CACNA1D: variants seen among roughly 807,000 people sequenced by gnomAD.
CACNA1D encodes the protein calcium voltage-gated channel subunit alpha1 D.
CACNA1D carries 55 observed loss-of-function variants against 257.1 expected under a neutral mutation model. That is an observed-to-expected ratio of 0.21 (90% CI 0.17 to 0.27). CACNA1D has a LOEUF of 0.27. Ranked by LOEUF, CACNA1D falls within the 10% of genes least tolerant of loss-of-function variation. CACNA1D has a pLI of 1.00. For missense variants in CACNA1D, 1,876 were observed against 2,784.0 expected (o/e 0.67, Z 7.34); for synonymous variants, 980 against 1,014.9 (o/e 0.97, Z 0.65).
intron 9 of CACNA1D, among the ~76,000 whole-genome samples, chr3:53,715,732 C>T (rs2094811665): frequency 6.6e-6 from 1 of 152,222 alleles, no homozygotes; most frequent in African/African-American, 2.4e-5. Context: ...GCCACTATCC[C>T]AACCCAGCTG....
chr3:53,722,408 T>C lies in CACNA1D; in HGVS notation c.1600T>C (p.Phe534Leu). ...TTACTGGCTGGTTATCGTCCTGGTG[T>C]TTCTGAACACCTTAACCATTTCCTC... ...TFYWLVIVLV[F>L]LNTLTISSEH... Residue 534 changes from phenylalanine (F) to leucine (L), a missense_variant, in exon 12 of 48, where the codon TTT becomes CTT. Physicochemically the swap from Phe to Leu is conservative, Grantham distance 22. Transcript: ENST00000350061. 2 of 1,614,204 alleles carry C rather than the reference T, an allele frequency of 1.2e-6. No individual in the cohort carries two copies. Among genetic ancestry groups the C allele is most frequent in the Non-Finnish European group, 1.7e-6 (2 of 1,180,030 alleles).
intron 3 of CACNA1D, among the ~76,000 whole-genome samples, chr3:53,519,210 A>G (rs1435857922): frequency 1.3e-5 from 2 of 152,186 alleles, no homozygotes; most frequent in Admixed American, 6.5e-5. Flanking sequence ...AACTGATGCA[A>G]TCGTAGAAGT....
chr3:53,711,493 C>T (rs1005616708), intron 9 of CACNA1D, among the ~76,000 whole-genome samples: 4 of 152,232 alleles, frequency 2.6e-5, no homozygotes, highest in African/African-American at 9.6e-5. Context: ...TCGACAGCAG[C>T]ACAAAGCTTT....
intron 3 of CACNA1D, among the ~76,000 whole-genome samples, chr3:53,616,479 G>A (rs901139584): frequency 6.6e-6 from 1 of 152,148 alleles, no homozygotes; most frequent in Non-Finnish European, 1.5e-5. Context: ...CTGTCTCTCT[G>A]CCATCCAAAC....
At chr3:53,599,835 C>T (rs924338920) in intron 3 of CACNA1D, among the ~76,000 whole-genome samples, 2 of 152,172 alleles carry the variant, frequency 1.3e-5, no homozygotes, top group East Asian at 3.9e-4. Context: ...CAAGGAAACC[C>T]ACCACCGTCT....
At chr3:53,776,751 T>A in intron 36 of CACNA1D, 21 bp downstream of exon 36, 1 of 1,614,180 alleles carries the variant, frequency 6.2e-7, no homozygotes, top group Non-Finnish European at 8.5e-7. Flanking sequence ...AAATATTTGA[T>A]TTGGCGTGTG....
intron 3 of CACNA1D, among the ~76,000 whole-genome samples, chr3:53,532,407 G>A (rs1240720280): frequency 6.6e-6 from 1 of 152,166 alleles, no homozygotes; most frequent in Non-Finnish European, 1.5e-5. Context: ...CACACCATAG[G>A]GCTGATGTTT....
intron 39 of CACNA1D, 133 bp downstream of exon 39, chr3:53,781,800 A>C (rs1204552931): frequency 2.7e-6 from 2 of 730,246 alleles, no homozygotes; most frequent in African/African-American, 3.4e-5. Flanking sequence ...ACTGATAAAG[A>C]AAGCCCTTTG....
chr3:53,704,435 G>C (rs2094663389), intron 9 of CACNA1D, among the ~76,000 whole-genome samples: 1 of 152,196 alleles, frequency 6.6e-6, no homozygotes, highest in Non-Finnish European at 1.5e-5. Context: ...AGGGTTTCTA[G>C]AGCTAACTGT....
intron 3 of CACNA1D, among the ~76,000 whole-genome samples, chr3:53,635,461 T>TG (rs1404787379): frequency 7.9e-5 from 12 of 152,102 alleles, no homozygotes; most frequent in Non-Finnish European, 1.5e-5. Flanking sequence ...CATCTGGATT[T>TG]GGGGGGGATC....
At chr3:53,696,815 C>T (rs1329174223) in intron 8 of CACNA1D, among the ~76,000 whole-genome samples, 3 of 152,094 alleles carry the variant, frequency 2.0e-5, no homozygotes, top group African/African-American at 7.2e-5. Flanking sequence ...GCTGGAATAG[C>T]ACTTGGGAGA....
At chr3:53,717,386 C>T (rs2094830842) in intron 9 of CACNA1D, among the ~76,000 whole-genome samples, 1 of 147,662 alleles carries the variant, frequency 6.8e-6, no homozygotes, top group Non-Finnish European at 1.5e-5. Flanking sequence ...CCCTGCCCTC[C>T]TCCACTGCCT....
At chr3:53,667,172 A>G (rs1299622642) in intron 7 of CACNA1D, among the ~76,000 whole-genome samples, 3 of 152,156 alleles carry the variant, frequency 2.0e-5, no homozygotes, top group African/African-American at 7.2e-5. Context: ...GTAGACTTCC[A>G]GGGCTGGTGG....
intron 8 of CACNA1D, among the ~76,000 whole-genome samples, chr3:53,675,507 C>G (rs923036621): frequency 5.9e-5 from 9 of 152,130 alleles, no homozygotes; most frequent in African/African-American, 2.2e-4. Context: ...CCGGTGACAT[C>G]CCTTATCTTT....
chr3:53,753,469 T>TGG, intron 28 of CACNA1D, 103 bp from the exon 29 acceptor site: 1 of 818,384 alleles, frequency 1.2e-6, no homozygotes, highest in Non-Finnish European at 2.2e-6. Context: ...TGCTGGGCTG[T>TGG]GGAGGATGCC....
At chr3:53,803,326 C>T (rs545442729) in intron 43 of CACNA1D, 97 bp from the exon 44 acceptor site, 2 of 1,389,586 alleles carry the variant, frequency 1.4e-6, no homozygotes, top group African/African-American at 2.8e-5. Flanking sequence ...AAGCCAGGAG[C>T]ACCCGGGCAG....
intron 3 of CACNA1D, among the ~76,000 whole-genome samples, chr3:53,522,140 A>G (rs895922294): frequency 6.6e-6 from 1 of 152,086 alleles, no homozygotes; most frequent in South Asian, 2.1e-4. Context: ...TGGGGGAAAA[A>G]AAACCACATT....
intron 26 of CACNA1D, among the ~76,000 whole-genome samples, chr3:53,748,104 G>A (rs1397481465): frequency 6.6e-6 from 1 of 152,252 alleles, no homozygotes; most frequent in Non-Finnish European, 1.5e-5. Flanking sequence ...TCCTAGATGT[G>A]CAGAACAGGG....
At chr3:53,535,823 T>G (rs888875645) in intron 3 of CACNA1D, among the ~76,000 whole-genome samples, 5 of 152,188 alleles carry the variant, frequency 3.3e-5, no homozygotes, top group Non-Finnish European at 5.9e-5. Context: ...TTTGGTCAAA[T>G]TTTTTAGGCT....
Sources: gnomAD v4.1 joint callset for allele counts (sites outside exome capture counted in the v4.1 genomes callset) on GRCh38, gnomAD v4.1.1 for gene constraint, MANE v1.5 for transcripts, NCBI Gene and HGNC (gene_info 2026-07-23, HGNC 2026-07-21) for gene names.